ADCY8: variants seen among roughly 807,000 people sequenced by gnomAD.
ADCY8 encodes the protein adenylate cyclase 8.
ADCY8 carries 51 observed loss-of-function variants against 119.7 expected under a neutral mutation model. The observed-to-expected ratio is 0.43, with a 90% CI of 0.34 to 0.54. ADCY8 has a LOEUF of 0.54. ADCY8 is among the 20% of genes least tolerant of loss of function. The pLI is 0.03. For synonymous variants in ADCY8, 665 were observed against 651.0 expected, an observed-to-expected ratio of 1.02 and a Z score of -0.33; for missense variants, 1,383 against 1,598.8, an observed-to-expected ratio of 0.87 and a Z score of 2.30.
intron 7 of ADCY8, among the ~76,000 whole-genome samples, chr8:130,890,636 A>G (rs530558408): frequency 6.6e-6 from 1 of 152,292 alleles, no homozygotes; most frequent in South Asian, 2.1e-4. Context: ...GACGCTTGTC[A>G]ATGTGAGGTT....
chr8:130,804,158 T>C (rs558191131), intron 14 of ADCY8, among the ~76,000 whole-genome samples: 2 of 152,298 alleles, frequency 1.3e-5, no homozygotes, highest in South Asian at 2.1e-4. Context: ...GTATTACCTA[T>C]AGTATTTGTT....
chr8:130,925,016 A>G (rs1820419319), intron 5 of ADCY8, among the ~76,000 whole-genome samples: 2 of 148,268 alleles, frequency 1.3e-5, no homozygotes, highest in African/African-American at 2.5e-5. Context: ...AAACACAGTG[A>G]AACCCAGTCT....
intron 1 of ADCY8, among the ~76,000 whole-genome samples, chr8:130,998,167 G>C (rs1396572379): frequency 6.6e-6 from 1 of 152,086 alleles, no homozygotes; most frequent in Non-Finnish European, 1.5e-5. Context: ...TTAACACATG[G>C]TGGTGGTGGT....
chr8:131,030,619 C>T (rs776709353), intron 1 of ADCY8, among the ~76,000 whole-genome samples: 1 of 152,168 alleles, frequency 6.6e-6, no homozygotes, highest in Non-Finnish European at 1.5e-5. Context: ...CACAAATTCC[C>T]TACCCAAATC....
intron 12 of ADCY8, among the ~76,000 whole-genome samples, chr8:130,835,401 G>A (rs922649337): frequency 7.9e-5 from 12 of 152,172 alleles, no homozygotes; most frequent in Admixed American, 3.9e-4. Flanking sequence ...ATGGCTCTGC[G>A]AGTGGATTTT....
intron 1 of ADCY8, among the ~76,000 whole-genome samples, chr8:131,037,394 T>C (rs1824190034): frequency 6.6e-6 from 1 of 152,324 alleles, no homozygotes; most frequent in South Asian, 2.1e-4. Flanking sequence ...AAATTTACTT[T>C]CTGGATTCAC....
At chr8:130,820,421 G>A (rs1172071984) in intron 13 of ADCY8, among the ~76,000 whole-genome samples, 1 of 152,124 alleles carries the variant, frequency 6.6e-6, no homozygotes, top group Non-Finnish European at 1.5e-5. Flanking sequence ...ACAGAAAGAT[G>A]GACCAAGATC....
intron 16 of ADCY8, among the ~76,000 whole-genome samples, chr8:130,785,058 G>GA (rs1199265979): frequency 1.3e-5 from 2 of 152,060 alleles, no homozygotes; most frequent in Non-Finnish European, 2.9e-5. Flanking sequence ...ACCAAAATAG[G>GA]AAAAAAGAGG....
chr8:130,995,592 C>T (rs1303806899), intron 1 of ADCY8, among the ~76,000 whole-genome samples: 3 of 151,950 alleles, frequency 2.0e-5, no homozygotes, highest in Admixed American at 6.6e-5. Context: ...TGTTACTTTC[C>T]ATTCCTTCAT....
intron 1 of ADCY8, among the ~76,000 whole-genome samples, chr8:131,028,787 T>G (rs1046321906): frequency 5.9e-5 from 9 of 152,154 alleles, no homozygotes; most frequent in Admixed American, 4.6e-4. Flanking sequence ...CAACCTGCTT[T>G]GTCCGATATC....
intron 7 of ADCY8, among the ~76,000 whole-genome samples, chr8:130,888,873 A>C (rs1819084203): frequency 6.6e-6 from 1 of 152,116 alleles, no homozygotes; most frequent in Non-Finnish European, 1.5e-5. Context: ...TTGTCATAAA[A>C]TTTGGTATTC....
At chr8:130,800,630 G>T in intron 14 of ADCY8, 58 bp from the exon 15 acceptor site, 1 of 1,585,160 alleles carries the variant, frequency 6.3e-7, no homozygotes, top group Non-Finnish European at 8.6e-7. Flanking sequence ...GTTCTGCAGT[G>T]ATGCTTCCTG....
At chr8:130,814,258 G>A (rs746649675) in intron 13 of ADCY8, 31 bp from the exon 14 acceptor site, 23 of 1,611,260 alleles carry the variant, frequency 1.4e-5, no homozygotes, top group Non-Finnish European at 1.9e-5. Flanking sequence ...AGAGGAGAAT[G>A]AGGTAAACTT....
intron 14 of ADCY8, among the ~76,000 whole-genome samples, chr8:130,807,967 G>C (rs1283661039): frequency 1.2e-5 from 1 of 81,300 alleles, no homozygotes; most frequent in Non-Finnish European, 2.3e-5. Context: ...CTGGGTGACA[G>C]AGCGAGACTC....
chr8:130,856,560 C>G (rs1184943082), intron 9 of ADCY8, among the ~76,000 whole-genome samples: 3 of 152,280 alleles, frequency 2.0e-5, no homozygotes, highest in African/African-American at 7.2e-5. Context: ...CGGTCAGGAC[C>G]CTAGTCCTCA....
intron 14 of ADCY8, among the ~76,000 whole-genome samples, chr8:130,807,791 C>A (rs371974047): frequency 6.6e-6 from 1 of 151,034 alleles, no homozygotes; most frequent in African/African-American, 2.4e-5. Context: ...GAGACCATCC[C>A]GGCTAAAACG....
intron 5 of ADCY8, among the ~76,000 whole-genome samples, chr8:130,936,072 C>CGTGT (rs1563735585): frequency 7.2e-5 from 7 of 97,082 alleles, no homozygotes; most frequent in African/African-American, 1.9e-4. Context: ...CAAGCACTGA[C>CGTGT]ATGTGTGTGT....
At chr8:130,892,404 G>A (rs1050758234) in intron 7 of ADCY8, 6 of 152,258 alleles carry the variant, frequency 3.9e-5, no homozygotes, top group Non-Finnish European at 5.9e-5. Flanking sequence ...TTGGTGTCCT[G>A]AAATTTCAGT....
intron 5 of ADCY8, among the ~76,000 whole-genome samples, chr8:130,936,595 C>T (rs1279666997): frequency 2.0e-5 from 3 of 152,160 alleles, no homozygotes; most frequent in South Asian, 2.1e-4. Context: ...TGTCCACCCA[C>T]CTTTCAGTCA....
Sources: gnomAD v4.1 joint callset for allele counts (sites outside exome capture counted in the v4.1 genomes callset) on GRCh38, gnomAD v4.1.1 for gene constraint, MANE v1.5 for transcripts, NCBI Gene and HGNC (gene_info 2026-07-23, HGNC 2026-07-21) for gene names.